RBAK: variants seen among roughly 807,000 people sequenced by gnomAD.
The protein encoded by RBAK is RB associated KRAB zinc finger, also known as RB-associated KRAB zinc finger protein.
RBAK carries 39 observed loss-of-function variants against 65.8 expected under a neutral mutation model. That is an observed-to-expected ratio of 0.59 (90% CI 0.46 to 0.77). The LOEUF (loss-of-function observed/expected upper bound fraction) is 0.77. Among genes scored for constraint, RBAK ranks in the 30% least tolerant of loss-of-function variants. The pLI is 0.00. For synonymous variants in RBAK, 343 were observed against 289.7 expected, an observed-to-expected ratio of 1.18 and a Z score of -1.87; for missense variants, 884 against 855.1, an observed-to-expected ratio of 1.03 and a Z score of -0.42.
chr7:5,049,391 A>T (rs145566370), intron 2 of RBAK, among the ~76,000 whole-genome samples: 10 of 152,320 alleles, frequency 6.6e-5, no homozygotes, highest in Admixed American at 1.3e-4. Context: ...TTCGTCTTTC[A>T]GTTTGGGTTG....
chr7:5,064,648 G>C lies in RBAK; in HGVS notation c.1192G>C (p.Glu398Gln). 1.9e-6 allele frequency: 3 copies of C among 1,612,000 alleles called. No homozygotes were observed. The highest frequency in any genetic ancestry group is 2.5e-6 in the Non-Finnish European group (3 of 1,178,398). Residue 398 changes from glutamate (E) to glutamine (Q), a missense_variant, in exon 5 of 5, where the codon GAG becomes CAG. Coordinates refer to ENST00000396912, the MANE Select transcript of RBAK (RefSeq NM_021163.4). The surrounding 1 kb of genome is among the most constrained non-coding windows in gnomAD (Gnocchi z 6.3). ...TGACCATCAGAGAACTCACACGGGA[G>C]AGAAGCTTTATAAATGTAATGAATG... Reference protein sequence around the residue: ...LSDHQRTHTGEKLYKCNECGK... With the variant: ...LSDHQRTHTGQKLYKCNECGK...
At position 5,048,282 on chromosome 7, in the gene RBAK, C is replaced by T. The variant is rs1788039712; in HGVS notation, c.15+191C>T. Among the ~76,000 whole-genome samples the T allele has an allele frequency of 6.6e-6, 1 of 151,898 alleles. No individual in the cohort carries two copies. The highest frequency in any genetic ancestry group is 1.5e-5 in the Non-Finnish European group (1 of 67,996). On this transcript the variant is annotated intron_variant, in intron 2 of 4. Transcript: ENST00000396912. The surrounding 1 kb of genome is among the most constrained non-coding windows in gnomAD (Gnocchi z 4.4). Reference sequence around the variant, plus strand: ...CCACCTCCTGGGTTCAAGCGATTCTCCTGCCTCAGCCTCCCGAGTAGCTGG... The same window carrying T: ...CCACCTCCTGGGTTCAAGCGATTCTTCTGCCTCAGCCTCCCGAGTAGCTGG...
chr7:5,056,108 T>C lies in RBAK; in HGVS notation c.16-1187T>C, dbSNP rs554677812. Among the ~76,000 whole-genome samples, 10 of 145,664 alleles carry C rather than the reference T, an allele frequency of 6.9e-5. No homozygotes were observed. The East Asian group carries it at 9.8e-4, about 14-fold the overall frequency. On this transcript the variant is annotated intron_variant, in intron 2 of 4. Coordinates refer to ENST00000396912, the MANE Select transcript of RBAK (RefSeq NM_021163.4). ...GCCCAGGAGTTTTGCATTTTTCTTT[T>C]TTTTTTTTTTTTTTTTTGAGACAAG...
Position 5,069,168 on chromosome 7 carries a change from A to T in RBAK, c.*3567A>T, listed in dbSNP as rs1321124644. ...TTCCATAAAAGTTTTCTAAAATCAC[A>T]AATGGCTAACATTTGTGTCGCTCAT... On this transcript the variant is annotated 3_prime_UTR_variant, in exon 5 of 5. Transcript: ENST00000396912. The T allele has an allele frequency of 6.6e-6, 1 of 152,234 alleles. No individual in the cohort carries two copies. Among genetic ancestry groups the T allele is most frequent in the East Asian group, 1.9e-4 (1 of 5,206 alleles). 9.4% of individuals were successfully genotyped at this position (152,234 alleles called of 1,614,324 possible).
At chr7:5,059,280 T>C (rs1001495148) in intron 4 of RBAK, among the ~76,000 whole-genome samples, 1 of 152,094 alleles carries the variant, frequency 6.6e-6, no homozygotes, top group African/African-American at 2.4e-5. Context: ...ATACATATTT[T>C]CCCTCCCTTT....
rs1420526988 is a variant in RBAK at position 5,046,228 on chromosome 7, G to A, written c.-213G>A. 3 of 507,018 alleles carry A rather than the reference G, an allele frequency of 5.9e-6. No individual in the cohort carries two copies. Among genetic ancestry groups the A allele is most frequent in the South Asian group, 1.4e-5 (1 of 69,894 alleles). The allele number at this position is 507,018 out of a possible 1,614,324, so 31.4% of individuals were successfully genotyped here. A position where few individuals can be genotyped will look rare whatever the true frequency, so the allele number is the denominator to read the frequency against. ...GGGAGGCGGATCTGGGTCCCGGGAA[G>A]GACACCCGCCTGGATTTGCCCCTTA... is the stretch of plus-strand genomic sequence containing the variant. On this transcript the variant is annotated 5_prime_UTR_variant, in exon 1 of 5. Coordinates refer to ENST00000396912, the MANE Select transcript of RBAK (RefSeq NM_021163.4).
At chr7:5,047,983 T>C (rs1235499549) in intron 1 of RBAK, 50 bp from the exon 2 acceptor site, 1 of 987,202 alleles carries the variant, frequency 1.0e-6, no homozygotes, top group Non-Finnish European at 1.5e-6. Context: ...ATTCCTGCCT[T>C]TGCAGGCCAG....
chr7:5,066,992 TGTG>T lies in RBAK; in HGVS notation c.*1394_*1396del, dbSNP rs1387665301. ...AGTAATCTGGCATGCAGAACATTCT[TGTG>T]GTACAATTAATGTTCGTTTATGATC... On this transcript the variant is annotated 3_prime_UTR_variant, in exon 5 of 5. Coordinates refer to ENST00000396912, the MANE Select transcript of RBAK (RefSeq NM_021163.4). 6.6e-6 allele frequency: 1 copy of T among 152,192 alleles called. No homozygotes were observed. The highest frequency in any genetic ancestry group is 1.5e-5 in the Non-Finnish European group (1 of 67,998). 9.4% of individuals were successfully genotyped at this position (152,192 alleles called of 1,614,324 possible). A position where few individuals can be genotyped will look rare whatever the true frequency, so the allele number is the denominator to read the frequency against.
At chr7:5,050,710 G>T (rs1458964955) in intron 2 of RBAK, among the ~76,000 whole-genome samples, 2 of 152,032 alleles carry the variant, frequency 1.3e-5, no homozygotes, top group Non-Finnish European at 2.9e-5. Flanking sequence ...AAGTAGCTGG[G>T]AGTATAGTCA....
chr7:5,063,724 A>G lies in RBAK; in HGVS notation c.268A>G (p.Arg90Gly). The G allele has an allele frequency of 6.2e-7, 1 of 1,611,434 alleles. No individual in the cohort carries two copies. Among genetic ancestry groups the G allele is most frequent in the Non-Finnish European group, 8.5e-7 (1 of 1,179,128 alleles). The part of the protein sequence containing the change: ...EAWRVDDLIE[R>G]IQENEDKHSR... ...CTGGAGAGTTGATGACCTGATAGAG[A>G]GAATCCAAGAAAACGAAGACAAACA... is the stretch of plus-strand genomic sequence containing the variant. Residue 90 changes from arginine (R) to glycine (G), a missense_variant, in exon 5 of 5, where the codon AGA becomes GGA. Coordinates refer to ENST00000396912, the MANE Select transcript of RBAK (RefSeq NM_021163.4).
Position 5,065,310 on chromosome 7 carries a change from A to C in RBAK, c.1854A>C (p.Ser618=). The change falls in exon 5 of 5, where the codon TCA becomes TCC. Residue 618 remains serine (S), a synonymous_variant. Coordinates refer to ENST00000396912, the MANE Select transcript of RBAK (RefSeq NM_021163.4). The surrounding 1 kb of genome is among the most constrained non-coding windows in gnomAD (Gnocchi z 5.3). ...TCACTATACATCATCGAATTCATTC[A>C]GGAGAGAAACCCTATGAATGTAGTA... ...SYLTIHHRIH[S]GEKPYECSKC... 2.5e-6 allele frequency: 4 copies of C among 1,614,090 alleles called. No individual in the cohort carries two copies. In the South Asian group the frequency reaches 4.4e-5, roughly 18 times the overall value.
Position 5,053,749 on chromosome 7 carries a change from A to G in RBAK, c.16-3546A>G, listed in dbSNP as rs184107328. 2.2e-4 allele frequency among the ~76,000 whole-genome samples: 34 copies of G among 152,266 alleles called. 1 individual carries two copies. The East Asian group carries it at 4.0e-3, about 18-fold the overall frequency. On this transcript the variant is annotated intron_variant, in intron 2 of 4. Coordinates refer to ENST00000396912, the MANE Select transcript of RBAK (RefSeq NM_021163.4). The stretch of plus-strand genomic sequence containing the variant: ...CACGATGCTGTTAATCTTGTCCAGT[A>G]TAATTTTCATCTCAGATATTGTAGT...
intron 4 of RBAK, among the ~76,000 whole-genome samples, chr7:5,060,087 T>C (rs1450257044): frequency 6.6e-6 from 1 of 152,234 alleles, no homozygotes; most frequent in Non-Finnish European, 1.5e-5. Context: ...TAAATGATTA[T>C]ATGCTCTGAG....
intron 4 of RBAK, among the ~76,000 whole-genome samples, chr7:5,059,811 G>A (rs1490217664): frequency 6.6e-6 from 1 of 152,080 alleles, no homozygotes; most frequent in Admixed American, 6.6e-5. Flanking sequence ...ATGAATATAA[G>A]CTCTAAGATT....
Position 5,064,081 on chromosome 7 carries a change from G to A in RBAK, c.625G>A (p.Glu209Lys). ...SILEKPFEYN[E>K]CMEALDNEAV... ...TTTGGAGAAACCCTTTGAATATAATGAATGCATGGAAGCCTTAGACAATGA... is the reference window on the plus strand; with the variant it reads ...TTTGGAGAAACCCTTTGAATATAATAAATGCATGGAAGCCTTAGACAATGA... Residue 209 changes from glutamate to lysine, a missense_variant, in exon 5 of 5, where the codon GAA becomes AAA. Glu to Lys is a moderately conservative substitution (Grantham distance 56, BLOSUM62 1). Coordinates refer to ENST00000396912, the MANE Select transcript of RBAK (RefSeq NM_021163.4). This position sits in a 1 kb window ranked among gnomAD's most constrained non-coding sequence, Gnocchi z 6.3. The A allele has an allele frequency of 1.2e-5, 19 of 1,613,860 alleles. No individual in the cohort carries two copies. The highest frequency in any genetic ancestry group is 3.3e-4 in the Middle Eastern group (2 of 6,060).
chr7:5,063,775 A>G lies in RBAK; in HGVS notation c.319A>G (p.Ser107Gly). 2 of 1,613,960 alleles carry G rather than the reference A, an allele frequency of 1.2e-6. No homozygotes were observed. The highest frequency in any genetic ancestry group is 2.2e-5 in the South Asian group (2 of 91,056). The change falls in exon 5 of 5, where the codon AGC (serine) becomes GGC (glycine). Residue 107 changes from serine (S) to glycine (G), a missense_variant. Ser to Gly is a moderately conservative substitution (Grantham distance 56). Transcript: ENST00000396912. ...TTCAAGGCAAGCTGCTTGTATCAAT[A>G]GCAAAACCCTGACTGAAGAGAAAGA... ...KHSRQAACIN[S>G]KTLTEEKENT...
intron 2 of RBAK, among the ~76,000 whole-genome samples, chr7:5,055,739 A>G (rs1314292348): frequency 1.3e-5 from 2 of 150,188 alleles, no homozygotes; most frequent in Non-Finnish European, 3.0e-5. Context: ...TCTAACCCCT[A>G]CTACCTCCTT....
Position 5,048,009 on chromosome 7 carries a change from A to G in RBAK, c.-44-24A>G. Reference sequence around the variant, plus strand: ...TGCAGGCCAGAGCACTCATGACTTCAGTGACCTGCTTCTCCCCCTCTAGGT... The same window carrying G: ...TGCAGGCCAGAGCACTCATGACTTCGGTGACCTGCTTCTCCCCCTCTAGGT... On this transcript the variant is annotated intron_variant, in intron 1 of 4. Coordinates refer to ENST00000396912, the MANE Select transcript of RBAK (RefSeq NM_021163.4). This position sits in a 1 kb window ranked among gnomAD's most constrained non-coding sequence, Gnocchi z 4.4. 1 of 1,327,340 alleles carries G rather than the reference A, an allele frequency of 7.5e-7. No homozygotes were observed. Among genetic ancestry groups the G allele is most frequent in the Non-Finnish European group, 1.0e-6 (1 of 956,466 alleles). 82.2% of individuals were successfully genotyped at this position (1,327,340 alleles called of 1,614,324 possible).
chr7:5,057,955 T>A (rs568564034), intron 4 of RBAK, among the ~76,000 whole-genome samples, 176 bp downstream of exon 4: 1 of 152,284 alleles, frequency 6.6e-6, no homozygotes, highest in South Asian at 2.1e-4. Context: ...TGATTTACAT[T>A]GGTAGGGATT....
Sources: allele counts gnomAD v4.1 joint callset (sites outside exome capture counted in the v4.1 genomes callset), GRCh38; gene constraint gnomAD v4.1.1; non-coding constraint Gnocchi (gnomAD v3.1); transcripts MANE v1.5; gene names NCBI Gene and HGNC (gene_info 2026-07-23, HGNC 2026-07-21).